Variants in CSMD1 observed in about 807,000 individuals in gnomAD.
CSMD1 encodes the protein CUB and sushi domain-containing protein 1.
Under a neutral mutation model 417.5 loss-of-function variants are expected in CSMD1, and 213 were observed. The observed-to-expected ratio is 0.51, with a 90% CI of 0.46 to 0.57. The LOEUF (loss-of-function observed/expected upper bound fraction) is 0.57, where lower values mean the gene tolerates loss of function less well. Among genes scored for constraint, CSMD1 ranks in the 20% least tolerant of loss-of-function variants. CSMD1 has a pLI of 0.00. For synonymous variants in CSMD1, 2,862 were observed against 1,736.8 expected, an observed-to-expected ratio of 1.65 and a Z score of -16.11; for missense variants, 6,923 against 4,529.7, an observed-to-expected ratio of 1.53 and a Z score of -15.17.
At chr8:4,791,872 G>T (rs899443035) in intron 1 of CSMD1, among the ~76,000 whole-genome samples, 1 of 151,692 alleles carries the variant, frequency 6.6e-6, no homozygotes, top group African/African-American at 2.4e-5. Flanking sequence ...AATTTTTTTA[G>T]CTTGCATTCA....
chr8:4,792,174 A>G (rs1797728207), intron 1 of CSMD1, among the ~76,000 whole-genome samples: 1 of 152,016 alleles, frequency 6.6e-6, no homozygotes, highest in Admixed American at 6.6e-5. Context: ...TTTCTTTCCC[A>G]TAGGTATTTA....
intron 5 of CSMD1, among the ~76,000 whole-genome samples, chr8:3,953,263 T>C (rs1811708154): frequency 1.3e-5 from 2 of 152,168 alleles, no homozygotes; most frequent in East Asian, 1.9e-4. Flanking sequence ...GAGAAGTTTT[T>C]ACCCTGGATT....
At chr8:3,592,868 G>C (rs1030375147) in intron 8 of CSMD1, among the ~76,000 whole-genome samples, 2 of 152,004 alleles carry the variant, frequency 1.3e-5, no homozygotes, top group Admixed American at 6.5e-5. Flanking sequence ...GTGATGGTAG[G>C]TTCTCCCACT....
At chr8:3,749,991 A>C (rs539050334) in intron 6 of CSMD1, among the ~76,000 whole-genome samples, 1 of 152,316 alleles carries the variant, frequency 6.6e-6, no homozygotes, top group Admixed American at 6.5e-5. Flanking sequence ...TAAAACGGTC[A>C]TATCAATTCA....
intron 2 of CSMD1, among the ~76,000 whole-genome samples, chr8:4,450,363 C>A (rs921062870): frequency 6.6e-6 from 1 of 152,098 alleles, no homozygotes; most frequent in Non-Finnish European, 1.5e-5. Context: ...TGTGGTGGCT[C>A]ACACCTGTAA....
At chr8:4,446,523 G>C (rs1798797899) in intron 2 of CSMD1, among the ~76,000 whole-genome samples, 1 of 152,134 alleles carries the variant, frequency 6.6e-6, no homozygotes, top group African/African-American at 2.4e-5. Flanking sequence ...CTCCAGCCTG[G>C]GCAGCAGAAT....
rs185640600 is a variant in CSMD1 at position 3,082,525 on chromosome 8, T to C, written c.7474+4572A>G. ...TTGTACTTATCAGTTTTTAAGACTC[T>C]CTCCCTCCGGACTAGCAGAGCCATA... On this transcript the variant is annotated intron_variant, in intron 49 of 69. Transcript: ENST00000635120. 4.3e-3 allele frequency among the ~76,000 whole-genome samples: 659 copies of C among 152,292 alleles called. 1 individual carries two copies. The highest frequency in any genetic ancestry group is 6.9e-3 in the Non-Finnish European group (470 of 68,024).
intron 2 of CSMD1, among the ~76,000 whole-genome samples, chr8:4,469,304 C>G (rs2078944954): frequency 6.6e-6 from 1 of 152,174 alleles, no homozygotes; most frequent in African/African-American, 2.4e-5. Flanking sequence ...GGGACTTTCT[C>G]ATTCTAACAA....
intron 3 of CSMD1, among the ~76,000 whole-genome samples, chr8:4,268,342 T>C (rs758618124): frequency 1.7e-4 from 26 of 152,178 alleles, no homozygotes; most frequent in Non-Finnish European, 1.9e-4. Context: ...TTAGATTCTT[T>C]TTGACTAATG....
rs534095530 is a variant in CSMD1 at position 4,748,262 on chromosome 8, T to C, written c.86-110704A>G. ...AATTCAAGCAACCGATTACAATCTT[T>C]AGAAAGCACACAAGCAAATCATCAT... On this transcript the variant is annotated intron_variant, in intron 1 of 69. Transcript: ENST00000635120. Among the ~76,000 whole-genome samples the C allele has an allele frequency of 9.8e-5, 15 of 152,356 alleles. No homozygotes were observed. In the South Asian group the frequency reaches 2.9e-3, roughly 29 times the overall value.
intron 2 of CSMD1, among the ~76,000 whole-genome samples, chr8:4,477,671 G>T (rs549756288): frequency 1.3e-5 from 2 of 152,110 alleles, no homozygotes; most frequent in Non-Finnish European, 2.9e-5. Context: ...TGGAAGTGAC[G>T]CAAGGCATGT....
intron 2 of CSMD1, among the ~76,000 whole-genome samples, chr8:4,505,125 C>G (rs1802453349): frequency 6.6e-6 from 1 of 152,150 alleles, no homozygotes; most frequent in African/African-American, 2.4e-5. Flanking sequence ...AATCCAAAAA[C>G]AGAAAAACAA....
intron 1 of CSMD1, among the ~76,000 whole-genome samples, chr8:4,771,396 G>C (rs1796590595): frequency 6.6e-6 from 1 of 152,226 alleles, no homozygotes; most frequent in Non-Finnish European, 1.5e-5. Context: ...TGCTACTGCA[G>C]AGAAGCTTGC....
intron 5 of CSMD1, among the ~76,000 whole-genome samples, chr8:3,785,396 C>A (rs1406627883): frequency 6.6e-6 from 1 of 152,128 alleles, no homozygotes; most frequent in Non-Finnish European, 1.5e-5. Context: ...CATCAAGGGT[C>A]TGTTCTGGTG....
intron 30 of CSMD1, among the ~76,000 whole-genome samples, chr8:3,210,321 C>G (rs777187032): frequency 7.0e-5 from 8 of 113,978 alleles, no homozygotes; most frequent in Non-Finnish European, 1.5e-4. Context: ...GCGCTGTGCT[C>G]TTTGATGACT....
chr8:3,288,523 C>G (rs57960519), intron 25 of CSMD1, among the ~76,000 whole-genome samples: 21,665 of 146,716 alleles, frequency 0.15, 3,243 homozygotes, highest in African/African-American at 0.25. Context: ...CTGGTTTAGT[C>G]TTGGCAGGAT....
intron 12 of CSMD1, among the ~76,000 whole-genome samples, chr8:3,423,135 A>C (rs1213088824): frequency 6.6e-6 from 1 of 152,214 alleles, no homozygotes; most frequent in Non-Finnish European, 1.5e-5. Flanking sequence ...GTTCAATGAT[A>C]TTTTTAAATA....
intron 5 of CSMD1, among the ~76,000 whole-genome samples, chr8:3,879,823 C>G (rs1000914966): frequency 7.5e-6 from 1 of 134,132 alleles, no homozygotes; most frequent in African/African-American, 2.9e-5. Context: ...GAGTGTGTAC[C>G]GGTGTGCGTG....
intron 12 of CSMD1, among the ~76,000 whole-genome samples, chr8:3,435,751 C>T (rs66769321): frequency 0.43 from 65,618 of 151,936 alleles, 14,362 homozygotes; most frequent in South Asian, 0.56. Flanking sequence ...GGTTCTTCCT[C>T]GAACAATGTG....
Sources: allele counts gnomAD v4.1 joint callset (sites outside exome capture counted in the v4.1 genomes callset), GRCh38; gene constraint gnomAD v4.1.1; transcripts MANE v1.5; gene names NCBI Gene and HGNC (gene_info 2026-07-23, HGNC 2026-07-21).